DLG2: variants seen among roughly 807,000 people sequenced by gnomAD.
DLG2 encodes disks large homolog 2.
In DLG2, 45 loss-of-function variants were observed where a neutral mutation model predicts 132.5. The observed-to-expected ratio is 0.34, with a 90% CI of 0.27 to 0.44. The LOEUF (loss-of-function observed/expected upper bound fraction) is 0.44, where lower values mean the gene tolerates loss of function less well. Ranked by LOEUF, DLG2 falls within the 20% of genes least tolerant of loss-of-function variation. The probability of loss-of-function intolerance (pLI) is 1.00; values close to 1 mark genes in which losing one functional copy is unlikely to be tolerated. For missense variants in DLG2, 1,045 were observed against 1,196.9 expected, an observed-to-expected ratio of 0.87 and a Z score of 1.87; for synonymous variants, 424 against 419.6, an observed-to-expected ratio of 1.01 and a Z score of -0.13.
At chr11:84,409,646 G>A (rs916827030) in intron 7 of DLG2, among the ~76,000 whole-genome samples, 1 of 152,118 alleles carries the variant, frequency 6.6e-6, no homozygotes, top group Non-Finnish European at 1.5e-5. Context: ...CTTAGTTAGT[G>A]ACTAGGGAGG....
At position 85,493,969 on chromosome 11, in the gene DLG2, C is replaced by T. The variant is rs79349083; in HGVS notation, c.40+104688G>A. 4.2e-3 allele frequency among the ~76,000 whole-genome samples: 636 copies of T among 152,200 alleles called. 9 individuals are homozygous for T. The highest frequency in any genetic ancestry group is 0.034 in the East Asian group (177 of 5,188). ...TTCAGTGAGGGCTGCTCTATATTTC[C>T]AAGATAGTCCCTTGTTGCTGCATCC... On this transcript the variant is annotated intron_variant, in intron 3 of 27. Transcript: ENST00000376104.
chr11:85,224,928 A>G (rs1380318747), intron 4 of DLG2, among the ~76,000 whole-genome samples: 1 of 152,094 alleles, frequency 6.6e-6, no homozygotes, highest in Non-Finnish European at 1.5e-5. Flanking sequence ...CCTACCTTTT[A>G]TTTTTCTTTA....
chr11:84,384,757 ATGT>A (rs962173555), intron 7 of DLG2, among the ~76,000 whole-genome samples: 2 of 151,900 alleles, frequency 1.3e-5, no homozygotes, highest in Non-Finnish European at 2.9e-5. Context: ...AACCTAAGAC[ATGT>A]TGTTCCAGTA....
chr11:85,050,659 TAAGAC>T (rs1191361316), intron 6 of DLG2, among the ~76,000 whole-genome samples: 2 of 152,092 alleles, frequency 1.3e-5, no homozygotes, highest in Admixed American at 1.3e-4. Flanking sequence ...AAGGCTGGTT[TAAGAC>T]AAGAAAAAAT....
At chr11:83,523,936 G>T (rs1428510097) in intron 21 of DLG2, among the ~76,000 whole-genome samples, 1 of 152,070 alleles carries the variant, frequency 6.6e-6, no homozygotes, top group Non-Finnish European at 1.5e-5. Flanking sequence ...CAAGCACAAG[G>T]TCAAAAACAC....
chr11:83,937,886 A>G (rs2081850468), intron 14 of DLG2, among the ~76,000 whole-genome samples: 1 of 152,218 alleles, frequency 6.6e-6, no homozygotes, highest in Admixed American at 6.5e-5. Context: ...TCCTTAAAAC[A>G]TTTCAAGAAA....
intron 2 of DLG2, among the ~76,000 whole-genome samples, chr11:85,625,919 G>A (rs2082006541): frequency 6.6e-6 from 1 of 152,182 alleles, no homozygotes; most frequent in Non-Finnish European, 1.5e-5. Flanking sequence ...AATCAACTAT[G>A]CTTCAGGAAT....
intron 4 of DLG2, among the ~76,000 whole-genome samples, chr11:85,218,792 A>G (rs115319123): frequency 0.047 from 7,127 of 152,292 alleles, 238 homozygotes; most frequent in East Asian, 0.11. Context: ...ACTATTTACA[A>G]TAGCAAAAAT....
At chr11:84,036,945 T>C (rs2095879308) in intron 11 of DLG2, among the ~76,000 whole-genome samples, 2 of 152,146 alleles carry the variant, frequency 1.3e-5, no homozygotes, top group African/African-American at 2.4e-5. Flanking sequence ...CAAAGTACAA[T>C]GCTTCTGAAG....
At chr11:84,391,492 C>A (rs1244686367) in intron 7 of DLG2, among the ~76,000 whole-genome samples, 1 of 152,050 alleles carries the variant, frequency 6.6e-6, no homozygotes, top group African/African-American at 2.4e-5. Flanking sequence ...TTCCAACAAC[C>A]AGTCTTTATA....
chr11:83,714,398 C>T (rs1396200284), intron 18 of DLG2, among the ~76,000 whole-genome samples: 1 of 152,108 alleles, frequency 6.6e-6, no homozygotes, highest in Non-Finnish European at 1.5e-5. Flanking sequence ...AATGATCTGA[C>T]TCCATATGGT....
intron 6 of DLG2, among the ~76,000 whole-genome samples, chr11:84,804,802 AC>A (rs2075809678): frequency 6.6e-6 from 1 of 152,164 alleles, no homozygotes; most frequent in Non-Finnish European, 1.5e-5. Flanking sequence ...CTGGAGTTGT[AC>A]CCTTGTCAGC....
intron 14 of DLG2, among the ~76,000 whole-genome samples, chr11:83,944,393 G>A (rs551693726): frequency 5.3e-5 from 8 of 152,298 alleles, no homozygotes; most frequent in Admixed American, 4.6e-4. Context: ...CATGCAGGTT[G>A]AGTAAGATCA....
At chr11:84,248,072 A>G (rs2097326409) in intron 8 of DLG2, among the ~76,000 whole-genome samples, 1 of 152,226 alleles carries the variant, frequency 6.6e-6, no homozygotes, top group African/African-American at 2.4e-5. Flanking sequence ...AAAACAAAGT[A>G]TAGAACACTG....
At chr11:83,849,835 A>G (rs1462556668) in intron 16 of DLG2, among the ~76,000 whole-genome samples, 2 of 151,432 alleles carry the variant, frequency 1.3e-5, no homozygotes, top group East Asian at 1.9e-4. Context: ...AGTGCCTGAC[A>G]TCTAAAATGT....
At chr11:83,770,265 G>GTTTTTTTTGTTT (rs71066064) in intron 18 of DLG2, among the ~76,000 whole-genome samples, 4 of 128,772 alleles carry the variant, frequency 3.1e-5, no homozygotes, top group Non-Finnish European at 4.8e-5. Context: ...GTTTTTTTTT[G>GTTTTTTTTGTTT]TTTTTTTGCT....
In DLG2 at chr11:83,455,723, G is replaced by C. The variant is rs2088857882; in HGVS notation, c.*4095C>G. 6.6e-6 allele frequency: 1 copy of C among 152,538 alleles called. No homozygotes were observed. 9.4% of individuals were successfully genotyped at this position (152,538 alleles called of 1,614,324 possible). ...ATACTCAATGTAACGTGTGTACATG[G>C]TATACATACCATATATACCATACAT... On this transcript the variant is annotated 3_prime_UTR_variant, in exon 28 of 28. Coordinates refer to ENST00000376104, the MANE Select transcript of DLG2 (RefSeq NM_001142699.3).
rs1304637497 is a variant in DLG2 at position 84,856,164 on chromosome 11, G to A, written c.357+255497C>T. Among the ~76,000 whole-genome samples, 6 of 152,088 alleles carry A rather than the reference G, an allele frequency of 3.9e-5. No individual in the cohort carries two copies. In the East Asian group the frequency reaches 1.2e-3, roughly 29 times the overall value. Reference sequence around the variant, plus strand: ...CCATAGGTCCTCATTGTCCTCTCTAGGGCCACACAAAGTCATTCTAATCCT... The same window carrying A: ...CCATAGGTCCTCATTGTCCTCTCTAAGGCCACACAAAGTCATTCTAATCCT... On this transcript the variant is annotated intron_variant, in intron 6 of 27. Coordinates refer to ENST00000376104, the MANE Select transcript of DLG2 (RefSeq NM_001142699.3).
intron 19 of DLG2, among the ~76,000 whole-genome samples, chr11:83,586,020 T>G (rs1269518035): frequency 2.6e-5 from 4 of 152,190 alleles, no homozygotes; most frequent in Admixed American, 2.6e-4. Flanking sequence ...CAGAAAGGAC[T>G]CTTCAAGAAA....
Sources: gnomAD v4.1 joint callset for allele counts (sites outside exome capture counted in the v4.1 genomes callset) on GRCh38, gnomAD v4.1.1 for gene constraint, MANE v1.5 for transcripts, NCBI Gene and HGNC (gene_info 2026-07-23, HGNC 2026-07-21) for gene names.